DEXI: variants seen among roughly 807,000 people sequenced by gnomAD.
DEXI encodes the protein dexamethasone-induced protein.
A neutral mutation model predicts 2.5 loss-of-function variants in DEXI; 2 were observed. The ratio of observed to expected loss-of-function variants is 0.81; its 90% CI spans 0.33 to 2.55. The LOEUF is 2.55. DEXI is among the 30% of genes most tolerant of loss of function. DEXI has a pLI of 0.11. For synonymous variants in DEXI, 71 were observed against 68.7 expected, an observed-to-expected ratio of 1.03 and a Z score of -0.17; for missense variants, 108 against 130.3, an observed-to-expected ratio of 0.83 and a Z score of 0.83.
At position 10,940,812 on chromosome 16, in the gene DEXI, A is replaced by C. The variant is rs1225649911; in HGVS notation, c.*149+757T>G. On this transcript the variant is annotated intron_variant, in intron 1 of 1. Transcript: ENST00000331808. The surrounding 1 kb of genome is among the most constrained non-coding windows in gnomAD (Gnocchi z 4.2). Reference sequence around the variant, plus strand: ...GACAGGACTTGACCATCTCAGTGCAATGACCCTGTGGTGCCTTCTCCCGAG... The same window carrying C: ...GACAGGACTTGACCATCTCAGTGCACTGACCCTGTGGTGCCTTCTCCCGAG... 6.6e-6 allele frequency: 1 copy of C among 152,258 alleles called. No individual in the cohort carries two copies. The highest frequency in any genetic ancestry group is 1.5e-5 in the Non-Finnish European group (1 of 68,114). The allele number at this position is 152,258 out of a possible 1,614,324, so 9.4% of individuals were successfully genotyped here.
rs1343055786 is a variant in DEXI, at chr16:10,937,880, CAAGAAA to C, written c.*149+3683_*149+3688del. ...TGGTGCCCTGGGGACCACAGGGCAG[CAAGAAA>C]GTTCTCCTAAGGGTCCTGGGGCTGG... On this transcript the variant is annotated intron_variant, in intron 1 of 1. Coordinates refer to ENST00000331808, the MANE Select transcript of DEXI (RefSeq NM_014015.4). The surrounding 1 kb of genome is among the most constrained non-coding windows in gnomAD (Gnocchi z 4.2). 2 of 152,204 alleles carry C rather than the reference CAAGAAA, an allele frequency of 1.3e-5. No individual in the cohort carries two copies. The highest frequency in any genetic ancestry group is 2.9e-5 in the Non-Finnish European group (2 of 68,052). 9.4% of individuals were successfully genotyped at this position (152,204 alleles called of 1,614,324 possible). A position where few individuals can be genotyped will look rare whatever the true frequency, so the allele number is the denominator to read the frequency against.
chr16:10,929,280 G>A lies in DEXI; in HGVS notation c.*429C>T. 2 of 985,976 alleles carry A rather than the reference G, an allele frequency of 2.0e-6. No homozygotes were observed. The highest frequency in any genetic ancestry group is 2.4e-6 in the Non-Finnish European group (2 of 829,990). 61.1% of individuals were successfully genotyped at this position (985,976 alleles called of 1,614,324 possible). On this transcript the variant is annotated 3_prime_UTR_variant, in exon 2 of 2. Coordinates refer to ENST00000331808, the MANE Select transcript of DEXI (RefSeq NM_014015.4). The surrounding 1 kb of genome is among the most constrained non-coding windows in gnomAD (Gnocchi z 4.3). ...AGTTTGAAGTGTCCTCTCCGAAGGT[G>A]AAGTGGGGGAAGCAGGTGCGCTCCG...
intron 1 of DEXI, chr16:10,930,470 G>C (rs1031848976): frequency 2.0e-5 from 3 of 152,086 alleles, no homozygotes; most frequent in African/African-American, 7.2e-5. Flanking sequence ...TTCCAAGGTC[G>C]ACCTAAGGGG....
Position 10,929,666 on chromosome 16 carries a change from GCAGGGAAGTCTTCCTC to G in DEXI, c.*150-123_*150-108del, listed in dbSNP as rs2040692627. On this transcript the variant is annotated intron_variant, in intron 1 of 1. Transcript: ENST00000331808. This position sits in a 1 kb window ranked among gnomAD's most constrained non-coding sequence, Gnocchi z 4.3. ...CCAGGCTCGGGAGGCTTGGGGTGGG[GCAGGGAAGTCTTCCTC>G]CATCCCTCAAATTTAGGGAACCACT... The G allele has an allele frequency of 1.6e-6, 1 of 638,672 alleles. No homozygotes were observed. The highest frequency in any genetic ancestry group is 2.0e-5 in the African/African-American group (1 of 50,272). 39.6% of individuals were successfully genotyped at this position (638,672 alleles called of 1,614,324 possible). A position where few individuals can be genotyped will look rare whatever the true frequency, so the allele number is the denominator to read the frequency against.
Position 10,942,084 on chromosome 16 carries a change from C to G in DEXI, c.-79G>C. ...GGCGCCCGGGCGGCCGGCGAGGGCACAGCGCAGCCATCCAGGGGTACCCTG... is the reference window on the plus strand; with the variant it reads ...GGCGCCCGGGCGGCCGGCGAGGGCAGAGCGCAGCCATCCAGGGGTACCCTG... On this transcript the variant is annotated 5_prime_UTR_variant, in exon 1 of 2. Transcript: ENST00000331808. The surrounding 1 kb of genome is among the most constrained non-coding windows in gnomAD (Gnocchi z 5.0). 8.3e-7 allele frequency: 1 copy of G among 1,206,012 alleles called. No homozygotes were observed. The highest frequency in any genetic ancestry group is 1.1e-6 in the Non-Finnish European group (1 of 932,470). The allele number at this position is 1,206,012 out of a possible 1,614,324, so 74.7% of individuals were successfully genotyped here. A position where few individuals can be genotyped will look rare whatever the true frequency, so the allele number is the denominator to read the frequency against.
Position 10,929,343 on chromosome 16 carries a change from T to G in DEXI, c.*366A>C. The G allele has an allele frequency of 3.0e-6, 3 of 985,970 alleles. No homozygotes were observed. Among genetic ancestry groups the G allele is most frequent in the South Asian group, 4.7e-5 (1 of 21,292 alleles). 61.1% of individuals were successfully genotyped at this position (985,970 alleles called of 1,614,324 possible). ...GGGAGGCAAACTCTGGCTGGGTTCC[T>G]GTAAACATCCATCGCAGCTGCAAAT... On this transcript the variant is annotated 3_prime_UTR_variant, in exon 2 of 2. Coordinates refer to ENST00000331808, the MANE Select transcript of DEXI (RefSeq NM_014015.4). The surrounding 1 kb of genome is among the most constrained non-coding windows in gnomAD (Gnocchi z 4.3).
rs867787524 is a variant in DEXI, at chr16:10,941,193, G to A, written c.*149+376C>T. 1 of 154,876 alleles carries A rather than the reference G, an allele frequency of 6.5e-6. No individual in the cohort carries two copies. The highest frequency in any genetic ancestry group is 2.4e-5 in the African/African-American group (1 of 41,470). 9.6% of individuals were successfully genotyped at this position (154,876 alleles called of 1,614,324 possible). On this transcript the variant is annotated intron_variant, in intron 1 of 1. Coordinates refer to ENST00000331808, the MANE Select transcript of DEXI (RefSeq NM_014015.4). The surrounding 1 kb of genome is among the most constrained non-coding windows in gnomAD (Gnocchi z 6.4). ...AAATCTTTATCCTTCTAGGACAAGC[G>A]AGAATCCCCCAAAAGCCAAGGTCAT...
In DEXI at chr16:10,929,388, G is replaced by A. The variant is rs2040677750; in HGVS notation, c.*321C>T. The A allele has an allele frequency of 1.0e-6, 1 of 985,892 alleles. No individual in the cohort carries two copies. Among genetic ancestry groups the A allele is most frequent in the Non-Finnish European group, 1.2e-6 (1 of 829,956 alleles). 61.1% of individuals were successfully genotyped at this position (985,892 alleles called of 1,614,324 possible). ...GCAAATAATCAGAAGCCAAGGCCAG[G>A]CCATCGATTTGACACTGCAGGCAGA... On this transcript the variant is annotated 3_prime_UTR_variant, in exon 2 of 2. Coordinates refer to ENST00000331808, the MANE Select transcript of DEXI (RefSeq NM_014015.4). The surrounding 1 kb of genome is among the most constrained non-coding windows in gnomAD (Gnocchi z 4.3).
chr16:10,931,612 G>C (rs2040798460), intron 1 of DEXI: 1 of 152,258 alleles, frequency 6.6e-6, no homozygotes. Context: ...GGGAGGCTAA[G>C]GTGGGTGGAT....
rs1396363497 is a variant in DEXI, at chr16:10,929,566, A to G, written c.*150-7T>C. The G allele has an allele frequency of 1.0e-6, 1 of 985,248 alleles. No individual in the cohort carries two copies. Among genetic ancestry groups the G allele is most frequent in the African/African-American group, 1.7e-5 (1 of 57,184 alleles). The allele number at this position is 985,248 out of a possible 1,614,324, so 61.0% of individuals were successfully genotyped here. ...GCTTTTGAGGGGAGCAGGTCTAACA[A>G]GAAGGAAAAAGGGGGGTTATTAGCA... On this transcript the variant is annotated splice_region_variant and splice_polypyrimidine_tract_variant and intron_variant, in intron 1 of 1. Coordinates refer to ENST00000331808, the MANE Select transcript of DEXI (RefSeq NM_014015.4). The surrounding 1 kb of genome is among the most constrained non-coding windows in gnomAD (Gnocchi z 4.3).
At position 10,939,966 on chromosome 16, in the gene DEXI, A is replaced by C. The variant is rs924153094; in HGVS notation, c.*149+1603T>G. 9 of 152,450 alleles carry C rather than the reference A, an allele frequency of 5.9e-5. No individual in the cohort carries two copies. Among genetic ancestry groups the C allele is most frequent in the Non-Finnish European group, 1.2e-4 (8 of 68,208 alleles). The allele number at this position is 152,450 out of a possible 1,614,324, so 9.4% of individuals were successfully genotyped here. On this transcript the variant is annotated intron_variant, in intron 1 of 1. Transcript: ENST00000331808. This position sits in a 1 kb window ranked among gnomAD's most constrained non-coding sequence, Gnocchi z 4.9. Reference sequence around the variant, plus strand: ...ATTCTGTAAAAGAACGGACGGATGGATGGCAGGCAGGCAGGCAGGCTGGGG... The same window carrying C: ...ATTCTGTAAAAGAACGGACGGATGGCTGGCAGGCAGGCAGGCAGGCTGGGG...
chr16:10,932,276 A>T lies in DEXI; in HGVS notation c.*150-2717T>A, dbSNP rs79072481. 2.6e-5 allele frequency: 4 copies of T among 152,350 alleles called. No homozygotes were observed. In the East Asian group the frequency reaches 7.7e-4, roughly 29 times the overall value. The allele number at this position is 152,350 out of a possible 1,614,324, so 9.4% of individuals were successfully genotyped here. On this transcript the variant is annotated intron_variant, in intron 1 of 1. Coordinates refer to ENST00000331808, the MANE Select transcript of DEXI (RefSeq NM_014015.4). ...TGGCAAACGCTAAATGAAAATCGTG[A>T]CAACACTTGTGTTATGAAGCATTTA...
In DEXI at chr16:10,942,359, C is replaced by T. The variant is rs2145450868; in HGVS notation, c.-354G>A. The T allele has an allele frequency of 1.0e-5, 2 of 191,320 alleles. No individual in the cohort carries two copies. Among genetic ancestry groups the T allele is most frequent in the East Asian group, 1.5e-4 (1 of 6,668 alleles). 11.9% of individuals were successfully genotyped at this position (191,320 alleles called of 1,614,324 possible). A position where few individuals can be genotyped will look rare whatever the true frequency, so the allele number is the denominator to read the frequency against. On this transcript the variant is annotated 5_prime_UTR_variant, in exon 1 of 2. Transcript: ENST00000331808. This position sits in a 1 kb window ranked among gnomAD's most constrained non-coding sequence, Gnocchi z 5.0. ...CGCGGCTCAGTGTCTAGGGCCGGTCCCGGCAGCCTTCTCTCCCGCCCCGCC... is the reference window on the plus strand; with the variant it reads ...CGCGGCTCAGTGTCTAGGGCCGGTCTCGGCAGCCTTCTCTCCCGCCCCGCC...
At chr16:10,935,873 A>G (rs1009479227) in intron 1 of DEXI, 1 of 152,258 alleles carries the variant, frequency 6.6e-6, no homozygotes, top group Non-Finnish European at 1.5e-5. Flanking sequence ...AGAAAGACAG[A>G]CTGAAGAGCT....
chr16:10,936,946 C>T (rs2041036856), intron 1 of DEXI: 1 of 152,166 alleles, frequency 6.6e-6, no homozygotes, highest in African/African-American at 2.4e-5. Flanking sequence ...TATGAATATC[C>T]AAATTGAGAG....
intron 1 of DEXI, chr16:10,936,100 C>G (rs2041012473): frequency 6.6e-6 from 1 of 152,000 alleles, no homozygotes; most frequent in Non-Finnish European, 1.5e-5. Context: ...AAGCAATCCT[C>G]CTGCCTGAGC....
chr16:10,936,698 G>A (rs775159118), intron 1 of DEXI: 1 of 152,198 alleles, frequency 6.6e-6, no homozygotes, highest in Admixed American at 6.5e-5. Flanking sequence ...TTCCAAGGTC[G>A]GGGATGGGGA....
Position 10,940,013 on chromosome 16 carries a change from C to A in DEXI, c.*149+1556G>T, listed in dbSNP as rs1225014491. 1.3e-5 allele frequency: 2 copies of A among 152,262 alleles called. No homozygotes were observed. The highest frequency in any genetic ancestry group is 4.8e-5 in the African/African-American group (2 of 41,454). 9.4% of individuals were successfully genotyped at this position (152,262 alleles called of 1,614,324 possible). A position where few individuals can be genotyped will look rare whatever the true frequency, so the allele number is the denominator to read the frequency against. On this transcript the variant is annotated intron_variant, in intron 1 of 1. Coordinates refer to ENST00000331808, the MANE Select transcript of DEXI (RefSeq NM_014015.4). This position sits in a 1 kb window ranked among gnomAD's most constrained non-coding sequence, Gnocchi z 4.2. ...GGGGAGGTGTGCAGAGCACCTGGCA[C>A]ACACTCCCCCTGGCACTTGGTTCTC...
Position 10,942,234 on chromosome 16 carries a change from C to T in DEXI, c.-229G>A. 2.7e-6 allele frequency: 1 copy of T among 377,274 alleles called. No homozygotes were observed. The highest frequency in any genetic ancestry group is 4.7e-6 in the Non-Finnish European group (1 of 211,836). 23.4% of individuals were successfully genotyped at this position (377,274 alleles called of 1,614,324 possible). A position where few individuals can be genotyped will look rare whatever the true frequency, so the allele number is the denominator to read the frequency against. On this transcript the variant is annotated 5_prime_UTR_variant, in exon 1 of 2. Coordinates refer to ENST00000331808, the MANE Select transcript of DEXI (RefSeq NM_014015.4). The surrounding 1 kb of genome is among the most constrained non-coding windows in gnomAD (Gnocchi z 5.0). The stretch of plus-strand genomic sequence containing the variant: ...CCCAAGGATCTCTCGACCGCCCGGG[C>T]GGCGAGGCGGGCCCCCCTGAAGTGG...
Sources: gnomAD v4.1 joint callset for allele counts on GRCh38, gnomAD v4.1.1 for gene constraint, Gnocchi (gnomAD v3.1) non-coding constraint, MANE v1.5 for transcripts, NCBI Gene and HGNC (gene_info 2026-07-23, HGNC 2026-07-21) for gene names.